EPHB4: variants seen among roughly 807,000 people sequenced by gnomAD.
The protein encoded by EPHB4 is EPH receptor B4.
Under a neutral mutation model 110.6 loss-of-function variants are expected in EPHB4, and 50 were observed. That is an observed-to-expected ratio of 0.45 (90% CI 0.36 to 0.57). The LOEUF is 0.57. Among genes scored for constraint, EPHB4 ranks in the 20% least tolerant of loss-of-function variants. The pLI, the probability that EPHB4 is intolerant of heterozygous loss-of-function variation, is 0.00. For synonymous variants in EPHB4, 592 were observed against 578.4 expected, an observed-to-expected ratio of 1.02 and a Z score of -0.34; for missense variants, 1,128 against 1,382.1, an observed-to-expected ratio of 0.82 and a Z score of 2.91.
chr7:100,803,415 C>A lies in EPHB4; in HGVS notation c.*46G>T. The A allele has an allele frequency of 6.7e-7, 1 of 1,481,718 alleles. No individual in the cohort carries two copies. Among genetic ancestry groups the A allele is most frequent in the Non-Finnish European group, 9.1e-7 (1 of 1,101,062 alleles). 91.8% of individuals were successfully genotyped at this position (1,481,718 alleles called of 1,614,324 possible). On this transcript the variant is annotated 3_prime_UTR_variant, in exon 17 of 17. Transcript: ENST00000358173. ...GCCTCTGTGAGTCCCCACTCTGCCC[C>A]GGAAAATGGGGAGGCGGTGTCCCTG...
At chr7:100,818,763 C>T (rs1426174061) in intron 6 of EPHB4, 119 bp from the exon 7 acceptor site, 32 of 1,302,062 alleles carry the variant, frequency 2.5e-5, no homozygotes, top group African/African-American at 4.5e-5. Flanking sequence ...AGTGCAGTGG[C>T]GCAGTCTCAG....
intron 8 of EPHB4, among the ~76,000 whole-genome samples, chr7:100,816,002 A>G (rs1813057509): frequency 6.6e-6 from 1 of 150,540 alleles, no homozygotes. Context: ...AAAAAGAAAA[A>G]GTTAGGCCGG....
chr7:100,817,355 G>T lies in EPHB4; in HGVS notation c.1425C>A (p.Gly475=). Residue 475 remains glycine, a splice_region_variant and synonymous_variant, in exon 8 of 17, where the codon GGC becomes GGA. Transcript: ENST00000358173. ...ACCGCACGCTGCTGGGACCCTCGGC[G>T]CCCTGTCCGGGAGAGGTAGTGGGGT... ...LDYEVKYHEK[G]AEGPSSVRFL... is the part of the protein sequence containing the mutation. 6.4e-7 allele frequency: 1 copy of T among 1,564,010 alleles called. No homozygotes were observed.
intron 9 of EPHB4, 40 bp downstream of exon 9, chr7:100,813,879 C>T: frequency 1.2e-6 from 2 of 1,611,690 alleles, no homozygotes; most frequent in Non-Finnish European, 1.7e-6. Flanking sequence ...TGGCCATCAA[C>T]TGAGGGCTTC....
chr7:100,805,038 G>A (rs1295195251), intron 16 of EPHB4, 128 bp downstream of exon 16: 73 of 1,232,098 alleles, frequency 5.9e-5, no homozygotes, highest in Non-Finnish European at 7.6e-5. Context: ...TCTAGGCATG[G>A]CATGAGCGCA....
intron 6 of EPHB4, among the ~76,000 whole-genome samples, chr7:100,819,241 T>G (rs1309687759): frequency 6.6e-6 from 1 of 152,042 alleles, no homozygotes; most frequent in Non-Finnish European, 1.5e-5. Context: ...GCCTCTTGAG[T>G]AGCTGGGACC....
Position 100,805,046 on chromosome 7 carries a change from G to A in EPHB4, c.2834+120C>T, listed in dbSNP as rs113646883. On this transcript the variant is annotated intron_variant, in intron 16 of 16. Transcript: ENST00000358173. ...GGGCCCTTCTAGGCATGGCATGAGC[G>A]CAGTGCAAGAAGACAGCATTGGCAC... 1.8e-3 allele frequency: 2,345 copies of A among 1,269,120 alleles called. 8 individuals are homozygous for A. Among genetic ancestry groups the A allele is most frequent in the Non-Finnish European group, 2.2e-3 (2,068 of 931,656 alleles). 78.6% of individuals were successfully genotyped at this position (1,269,120 alleles called of 1,614,324 possible).
chr7:100,809,429 C>T (rs958602237), intron 12 of EPHB4, among the ~76,000 whole-genome samples: 6 of 151,980 alleles, frequency 3.9e-5, no homozygotes, highest in Admixed American at 1.3e-4. Context: ...AACTACTCTC[C>T]TGCCAAAGCC....
Position 100,817,859 on chromosome 7 carries a change from G to GTTTTT in EPHB4, c.1423-507_1423-503dup, listed in dbSNP as rs33978512. Among the ~76,000 whole-genome samples, 430 of 47,066 alleles carry GTTTTT rather than the reference G, an allele frequency of 9.1e-3. 24 individuals are homozygous for GTTTTT. Among genetic ancestry groups the GTTTTT allele is most frequent in the Admixed American group, 0.013 (31 of 2,370 alleles). 30.9% of individuals were successfully genotyped at this position (47,066 alleles called of 152,430 possible). A position where few individuals can be genotyped will look rare whatever the true frequency, so the allele number is the denominator to read the frequency against. Reference sequence around the variant, plus strand: ...TTTTTTCATTTTAAGTATTTTTTGCGTTTTTTTTTTTTTTTTTTTTTTTTG... The same window carrying GTTTTT: ...TTTTTTCATTTTAAGTATTTTTTGCGTTTTTTTTTTTTTTTTTTTTTTTTTTTTTG... On this transcript the variant is annotated intron_variant, in intron 7 of 16. Coordinates refer to ENST00000358173, the MANE Select transcript of EPHB4 (RefSeq NM_004444.5).
intron 14 of EPHB4, chr7:100,806,172 C>T (rs1356895868): frequency 3.2e-6 from 1 of 314,924 alleles, no homozygotes; most frequent in Non-Finnish European, 5.7e-6. Context: ...GTTGGCCAGG[C>T]TGGTCTTGAA....
chr7:100,804,653 G>A (rs1812775767), intron 16 of EPHB4, among the ~76,000 whole-genome samples: 1 of 152,086 alleles, frequency 6.6e-6, no homozygotes, highest in South Asian at 2.1e-4. Flanking sequence ...TATTCAACCT[G>A]GGGTGAGAGG....
rs1388975665 is a variant in EPHB4 at position 100,816,399 on chromosome 7, T to C, written c.1588+793A>G. ...CCCAGGCTGGAGTGCACTGGCACAA[T>C]CTCAGCTCACTGCAACCTCCACCTC... On this transcript the variant is annotated intron_variant, in intron 8 of 16. Coordinates refer to ENST00000358173, the MANE Select transcript of EPHB4 (RefSeq NM_004444.5). Among the ~76,000 whole-genome samples the C allele has an allele frequency of 5.3e-5, 8 of 150,884 alleles. No individual in the cohort carries two copies. In the East Asian group the frequency reaches 8.2e-4, roughly 15 times the overall value.
intron 12 of EPHB4, among the ~76,000 whole-genome samples, chr7:100,811,786 C>A (rs1562968793): frequency 6.6e-6 from 1 of 151,572 alleles, no homozygotes; most frequent in Non-Finnish European, 1.5e-5. Context: ...GGGAGGATCA[C>A]TTGAGCCCAG....
chr7:100,810,353 A>G (rs1025705458), intron 12 of EPHB4, among the ~76,000 whole-genome samples: 1 of 152,206 alleles, frequency 6.6e-6, no homozygotes, highest in African/African-American at 2.4e-5. Context: ...AATTTCATAA[A>G]TCCAGAAATC....
intron 1 of EPHB4, 166 bp downstream of exon 1, chr7:100,826,813 C>T (rs1813410349): frequency 2.8e-6 from 2 of 719,988 alleles, no homozygotes; most frequent in Non-Finnish European, 4.3e-6. Context: ...CGTCGGGCGC[C>T]TCTTCCCCGC....
At position 100,823,025 on chromosome 7, in the gene EPHB4, C is replaced by T. The variant is rs138921337; in HGVS notation, c.412-358G>A. Among the ~76,000 whole-genome samples, 28 of 152,266 alleles carry T rather than the reference C, an allele frequency of 1.8e-4. No homozygotes were observed. In the East Asian group the frequency reaches 3.3e-3, roughly 18 times the overall value. Reference sequence around the variant, plus strand: ...ATGAGGCCGGGCGTAGTGCCTCATGCCTATAATCCCAGCACTTTAGGAGGC... The same window carrying T: ...ATGAGGCCGGGCGTAGTGCCTCATGTCTATAATCCCAGCACTTTAGGAGGC... On this transcript the variant is annotated intron_variant, in intron 3 of 16. Coordinates refer to ENST00000358173, the MANE Select transcript of EPHB4 (RefSeq NM_004444.5).
At chr7:100,813,261 G>A (rs1253355528) in intron 10 of EPHB4, 53 bp from the exon 11 acceptor site, 19 of 1,458,906 alleles carry the variant, frequency 1.3e-5, no homozygotes, top group Non-Finnish European at 1.6e-5. Flanking sequence ...CACTGGACTC[G>A]GAGGCTCGGC....
chr7:100,811,653 T>G (rs1812935676), intron 12 of EPHB4, among the ~76,000 whole-genome samples: 1 of 152,006 alleles, frequency 6.6e-6, no homozygotes, highest in Admixed American at 6.6e-5. Flanking sequence ...GAGGCTCGCT[T>G]GAGGCCAGGA....
chr7:100,823,708 T>C lies in EPHB4; in HGVS notation c.347A>G (p.Tyr116Cys), dbSNP rs1172492790. 1.9e-6 allele frequency: 3 copies of C among 1,613,558 alleles called. No homozygotes were observed. The South Asian group carries it at 3.3e-5, about 18-fold the overall frequency. The change falls in exon 3 of 17, where the codon TAT becomes TGT. Residue 116 changes from tyrosine to cysteine, a missense_variant. Around this residue, in one of 3 missense-constraint regions of EPHB4, gnomAD observed 728 missense variants for 828.6 expected, o/e 0.88. Transcript: ENST00000358173. ...SCKETFTVFY[Y>C]ESDADTATAL... The stretch of plus-strand genomic sequence containing the variant: ...CGTGGCCGTGTCCGCATCGCTCTCA[T>C]AGTAGAAGACGGTGAAGGTCTCCTT...
Sources: allele counts gnomAD v4.1 joint callset (sites outside exome capture counted in the v4.1 genomes callset), GRCh38; gene constraint gnomAD v4.1.1; regional missense constraint gnomAD v4.1.1; transcripts MANE v1.5; gene names NCBI Gene and HGNC (gene_info 2026-07-23, HGNC 2026-07-21).